Variants in ZBTB20 observed in about 807,000 individuals in gnomAD.
ZBTB20 encodes the protein zinc finger and BTB domain containing 20.
ZBTB20 carries 9 observed loss-of-function variants against 56.9 expected under a neutral mutation model. That is an observed-to-expected ratio of 0.16 (90% CI 0.10 to 0.28). The LOEUF (loss-of-function observed/expected upper bound fraction) is 0.28. Among genes scored for constraint, ZBTB20 ranks in the 10% least tolerant of loss-of-function variants. The pLI, the probability that ZBTB20 is intolerant of heterozygous loss-of-function variation, is 1.00. For missense variants in ZBTB20, 655 were observed against 1,003.0 expected, an observed-to-expected ratio of 0.65 and a Z score of 4.69; for synonymous variants, 417 against 420.7, an observed-to-expected ratio of 0.99 and a Z score of 0.11.
chr3:114,973,996 C>T lies in ZBTB20; in HGVS notation c.-456+370G>A, dbSNP rs75999453. 4.2e-3 allele frequency among the ~76,000 whole-genome samples: 630 copies of T among 150,750 alleles called. 6 individuals carry two copies. Among genetic ancestry groups the T allele is most frequent in the African/African-American group, 0.014 (588 of 41,026 alleles). ...CTCAGGAGAAATTGTTACTGACATT[C>T]TGACTTTAAGCCAATATGTCTGTTT... On this transcript the variant is annotated intron_variant, in intron 3 of 11. Coordinates refer to ENST00000675478, the MANE Select transcript of ZBTB20 (RefSeq NM_001348800.3).
intron 7 of ZBTB20, among the ~76,000 whole-genome samples, chr3:114,426,572 C>T (rs896318717): frequency 6.6e-6 from 1 of 152,146 alleles, no homozygotes; most frequent in African/African-American, 2.4e-5. Flanking sequence ...CACAGCAAGT[C>T]GCTTTTGTCT....
At position 114,836,350 on chromosome 3, in the gene ZBTB20, A is replaced by T. The variant is rs1338527078; in HGVS notation, c.-416-35176T>A. ...ATAGCCTCTGAAAAAATTCCACCAC[A>T]AAGATTTTAAAAAATGGAAGTATAT... On this transcript the variant is annotated intron_variant, in intron 4 of 11. Coordinates refer to ENST00000675478, the MANE Select transcript of ZBTB20 (RefSeq NM_001348800.3). 2.6e-5 allele frequency among the ~76,000 whole-genome samples: 4 copies of T among 152,308 alleles called. No individual in the cohort carries two copies. The East Asian group carries it at 7.7e-4, about 29-fold the overall frequency.
At chr3:114,508,473 A>G (rs527558915) in intron 6 of ZBTB20, among the ~76,000 whole-genome samples, 1 of 152,234 alleles carries the variant, frequency 6.6e-6, no homozygotes, top group South Asian at 2.1e-4. Context: ...GGATCACTGA[A>G]CTATTGCCCA....
intron 4 of ZBTB20, among the ~76,000 whole-genome samples, chr3:114,821,064 C>A (rs542863455): frequency 6.6e-6 from 1 of 152,170 alleles, no homozygotes; most frequent in Admixed American, 6.5e-5. Flanking sequence ...CATGGAATAC[C>A]AACCTTGCCT....
At chr3:114,531,300 A>G (rs931779662) in intron 6 of ZBTB20, among the ~76,000 whole-genome samples, 8 of 152,320 alleles carry the variant, frequency 5.3e-5, no homozygotes, top group Middle Eastern at 3.4e-3. Context: ...TATCTAATTA[A>G]GTTCTAAATC....
intron 3 of ZBTB20, among the ~76,000 whole-genome samples, chr3:114,930,019 T>C (rs1393542991): frequency 1.3e-5 from 2 of 152,196 alleles, no homozygotes; most frequent in African/African-American, 4.8e-5. Flanking sequence ...AGAGTTCAGA[T>C]GAAGCTCGTT....
chr3:114,415,541 A>G (rs2088454250), intron 7 of ZBTB20, among the ~76,000 whole-genome samples: 2 of 152,122 alleles, frequency 1.3e-5, no homozygotes, highest in Non-Finnish European at 2.9e-5. Flanking sequence ...CGGTTAGAAC[A>G]TAGGTTTAAT....
chr3:114,650,838 G>A (rs1435147725), intron 6 of ZBTB20, among the ~76,000 whole-genome samples: 1 of 151,868 alleles, frequency 6.6e-6, no homozygotes, highest in African/African-American at 2.4e-5. Context: ...TTTAAACACT[G>A]AAAAATAAAC....
intron 1 of ZBTB20, among the ~76,000 whole-genome samples, chr3:115,137,996 A>T (rs2107335883): frequency 6.6e-6 from 1 of 152,178 alleles, no homozygotes; most frequent in Non-Finnish European, 1.5e-5. Flanking sequence ...ACTCTCAGTG[A>T]CCCATATTTA....
At chr3:114,631,208 T>G (rs1227641266) in intron 6 of ZBTB20, among the ~76,000 whole-genome samples, 1 of 151,834 alleles carries the variant, frequency 6.6e-6, no homozygotes, top group Non-Finnish European at 1.5e-5. Context: ...CTCAACTAAG[T>G]GGGTATTCAG....
At chr3:115,091,989 G>A (rs2083213340) in intron 1 of ZBTB20, among the ~76,000 whole-genome samples, 1 of 152,090 alleles carries the variant, frequency 6.6e-6, no homozygotes, top group Non-Finnish European at 1.5e-5. Context: ...TGCCTGAAAT[G>A]ACCGAGCTTA....
intron 4 of ZBTB20, among the ~76,000 whole-genome samples, chr3:114,867,091 C>G (rs934557641): frequency 2.0e-5 from 3 of 152,064 alleles, no homozygotes; most frequent in African/African-American, 4.8e-5. Flanking sequence ...ATGAAAAAGC[C>G]CCCTTCAGTA....
intron 7 of ZBTB20, among the ~76,000 whole-genome samples, chr3:114,454,404 C>G (rs192316531): frequency 7.9e-5 from 12 of 151,664 alleles, no homozygotes; most frequent in African/African-American, 2.9e-4. Flanking sequence ...CCCCGTTGTA[C>G]TGCTTCCATT....
At chr3:114,624,927 T>C (rs2058565987) in intron 6 of ZBTB20, 2 of 152,634 alleles carry the variant, frequency 1.3e-5, no homozygotes, top group South Asian at 4.1e-4. Context: ...CATGCTGGAC[T>C]GTACCGTAAG....
intron 1 of ZBTB20, chr3:115,103,166 A>G (rs958989000): frequency 3.2e-4 from 49 of 152,268 alleles, no homozygotes; most frequent in African/African-American, 1.2e-3. Flanking sequence ...CTACCATACT[A>G]TGGAAGTTAT....
Position 114,554,146 on chromosome 3 carries a change from T to A in ZBTB20, c.-294-53755A>T, listed in dbSNP as rs576327425. Among the ~76,000 whole-genome samples the A allele has an allele frequency of 8.5e-5, 13 of 152,298 alleles. No homozygotes were observed. In the East Asian group the frequency reaches 2.5e-3, roughly 29 times the overall value. The stretch of plus-strand genomic sequence containing the variant: ...TTTTTGGTTAGAAAGTCTTTCCAGA[T>A]GAGGTCATCATTTTCATTACTCTGT... On this transcript the variant is annotated intron_variant, in intron 6 of 11. Transcript: ENST00000675478.
chr3:114,677,416 C>T (rs2061691053), intron 6 of ZBTB20, among the ~76,000 whole-genome samples: 1 of 152,154 alleles, frequency 6.6e-6, no homozygotes, highest in East Asian at 1.9e-4. Context: ...TGAGCTCTGC[C>T]TACTGTCAGA....
chr3:115,109,089 A>G (rs906770278), intron 1 of ZBTB20, among the ~76,000 whole-genome samples: 27 of 152,202 alleles, frequency 1.8e-4, no homozygotes, highest in African/African-American at 6.0e-4. Flanking sequence ...TGGCTCCAGA[A>G]CAACGTATTA....
intron 6 of ZBTB20, among the ~76,000 whole-genome samples, chr3:114,606,894 G>C (rs971293661): frequency 6.6e-6 from 1 of 151,950 alleles, no homozygotes; most frequent in Non-Finnish European, 1.5e-5. Flanking sequence ...TCAGGAGTTC[G>C]AGGCCAGCCT....
Sources: gnomAD v4.1 joint callset for allele counts (sites outside exome capture counted in the v4.1 genomes callset) on GRCh38, gnomAD v4.1.1 for gene constraint, MANE v1.5 for transcripts, NCBI Gene and HGNC (gene_info 2026-07-23, HGNC 2026-07-21) for gene names.